The following TASOR2 variants were observed in gnomAD, a reference collection of about 807,000 sequenced individuals.
TASOR2 encodes the protein protein TASOR 2.
In TASOR2, 84 loss-of-function variants were observed where a neutral mutation model predicts 199.5. That is an observed-to-expected ratio of 0.42 (90% CI 0.35 to 0.50). TASOR2 has a LOEUF of 0.50. Among genes scored for constraint, TASOR2 ranks in the 20% least tolerant of loss-of-function variants. The pLI is 0.02. For missense variants in TASOR2, 2,796 were observed against 2,835.9 expected (o/e 0.99, Z 0.32); for synonymous variants, 1,103 against 1,046.6 (o/e 1.05, Z -1.04).
At chr10:5,728,489 A>G (rs1288291222) in intron 10 of TASOR2, among the ~76,000 whole-genome samples, 1 of 152,022 alleles carries the variant, frequency 6.6e-6, no homozygotes, top group Non-Finnish European at 1.5e-5. Flanking sequence ...ACAAAAAATT[A>G]GCTGGGCTTG....
In TASOR2 at chr10:5,752,880, A is replaced by G. The variant is rs1838276195; in HGVS notation, c.6606+2853A>G. ...GCCTCACGCCTCATATGGCAGTGGC[A>G]GGGCCTTAAGTCACACTGAGCTATT... On this transcript the variant is annotated intron_variant, in intron 15 of 20. Transcript: ENST00000328090. This position sits in a 1 kb window ranked among gnomAD's most constrained non-coding sequence, Gnocchi z 4.4. 6.6e-6 allele frequency among the ~76,000 whole-genome samples: 1 copy of G among 152,192 alleles called. No homozygotes were observed. The highest frequency in any genetic ancestry group is 2.4e-5 in the African/African-American group (1 of 41,430).
Position 5,687,838 on chromosome 10 carries a change from A to G in TASOR2, c.-288+2663A>G, listed in dbSNP as rs558846811. Among the ~76,000 whole-genome samples, 1 of 152,342 alleles carries G rather than the reference A, an allele frequency of 6.6e-6. No homozygotes were observed. The highest frequency in any genetic ancestry group is 1.9e-4 in the East Asian group (1 of 5,192). ...GTCTCAAAAGACTGCTGAAGATCCC[A>G]AAGATCTTTTGTTTATTGGATTATA... On this transcript the variant is annotated intron_variant, in intron 1 of 20. Coordinates refer to ENST00000328090, the Ensembl canonical transcript of TASOR2. The surrounding 1 kb of genome is among the most constrained non-coding windows in gnomAD (Gnocchi z 4.8).
chr10:5,742,343 T>C lies in TASOR2; in HGVS notation c.2574T>C (p.Ile858=). 6.2e-7 allele frequency: 1 copy of C among 1,614,172 alleles called. No individual in the cohort carries two copies. Among genetic ancestry groups the C allele is most frequent in the Non-Finnish European group, 8.5e-7 (1 of 1,180,022 alleles). The change falls in exon 14 of 21, where the codon ATT becomes ATC. Residue 858 remains isoleucine, a synonymous_variant. Coordinates refer to ENST00000328090, the Ensembl canonical transcript of TASOR2. This position sits in a 1 kb window ranked among gnomAD's most constrained non-coding sequence, Gnocchi z 4.2. ...ACTCTCTGTTGGAGACTAACGAAAT[T>C]TCCAGGGCTCATGCTGCTGAAGTAT... is the stretch of plus-strand genomic sequence containing the variant.
At chr10:5,749,588 G>T in exon 15 of TASOR2, 1 of 1,614,144 alleles carries the variant, frequency 6.2e-7, no homozygotes, top group Non-Finnish European at 8.5e-7. Flanking sequence ...CAGCCCAGGA[G>T]AGGCTACACA....
intron 18 of TASOR2, among the ~76,000 whole-genome samples, chr10:5,759,408 C>G (rs148365545): frequency 6.6e-6 from 1 of 152,142 alleles, no homozygotes; most frequent in Non-Finnish European, 1.5e-5. Flanking sequence ...CTTATAAATA[C>G]GCAAACTTCA....
intron 17 of TASOR2, among the ~76,000 whole-genome samples, chr10:5,758,438 T>G (rs1276690086): frequency 6.6e-6 from 1 of 152,022 alleles, no homozygotes; most frequent in Non-Finnish European, 1.5e-5. Flanking sequence ...CTAAGGAGAC[T>G]AAGGATGGAG....
intron 1 of TASOR2, chr10:5,709,608 C>T: frequency 8.1e-7 from 1 of 1,231,094 alleles, no homozygotes; most frequent in Non-Finnish European, 1.0e-6. Flanking sequence ...TAAGACCACC[C>T]TCCCAGCTAC....
rs1180157970 is a variant in TASOR2 at position 5,754,615 on chromosome 10, C to T, written c.6607-1998C>T. On this transcript the variant is annotated intron_variant, in intron 15 of 20. Coordinates refer to ENST00000328090, the Ensembl canonical transcript of TASOR2. The surrounding 1 kb of genome is among the most constrained non-coding windows in gnomAD (Gnocchi z 4.3). ...ATGTTGGCCAGGCTGGTCTCGAACT[C>T]CATAGCAGGAGTTCTTCTAGATATC... is the stretch of plus-strand genomic sequence containing the variant. 1.3e-5 allele frequency among the ~76,000 whole-genome samples: 2 copies of T among 152,002 alleles called. No homozygotes were observed. Among genetic ancestry groups the T allele is most frequent in the East Asian group, 3.9e-4 (2 of 5,148 alleles).
In TASOR2 at chr10:5,716,081, T is replaced by C. The variant is rs190684144; in HGVS notation, c.-191-1578T>C. On this transcript the variant is annotated intron_variant, in intron 2 of 20. Coordinates refer to ENST00000328090, the Ensembl canonical transcript of TASOR2. ...TACAGCAGGTTACTGTACGGAATACTTCAGGCAGTTATAAAATAGTGGTGT... is the reference window on the plus strand; with the variant it reads ...TACAGCAGGTTACTGTACGGAATACCTCAGGCAGTTATAAAATAGTGGTGT... Among the ~76,000 whole-genome samples the C allele has an allele frequency of 2.5e-3, 387 of 152,326 alleles. 2 individuals carry two copies. Among genetic ancestry groups the C allele is most frequent in the African/African-American group, 8.8e-3 (367 of 41,564 alleles).
At chr10:5,743,083 A>C (rs1836665041) in intron 14 of TASOR2, among the ~76,000 whole-genome samples, 1 of 152,250 alleles carries the variant, frequency 6.6e-6, no homozygotes, top group Non-Finnish European at 1.5e-5. Context: ...CAACCAGGCC[A>C]GATAATCCAA....
chr10:5,752,334 C>T lies in TASOR2; in HGVS notation c.6606+2307C>T, dbSNP rs553534287. ...ACGCATTGAGGGTGATTGGCCTGGC[C>T]GGGGAGGTCTTTGCTCAGGAAGTGC... is the stretch of plus-strand genomic sequence containing the variant. On this transcript the variant is annotated intron_variant, in intron 15 of 20. Transcript: ENST00000328090. The surrounding 1 kb of genome is among the most constrained non-coding windows in gnomAD (Gnocchi z 4.4). Among the ~76,000 whole-genome samples the T allele has an allele frequency of 6.6e-5, 10 of 152,136 alleles. No homozygotes were observed. Among genetic ancestry groups the T allele is most frequent in the Non-Finnish European group, 1.0e-4 (7 of 68,014 alleles).
chr10:5,693,627 T>TGGA (rs1836768924), intron 1 of TASOR2, among the ~76,000 whole-genome samples: 1 of 152,222 alleles, frequency 6.6e-6, no homozygotes, highest in Admixed American at 6.5e-5. Flanking sequence ...ACCTCATCCC[T>TGGA]GGAGGAGGGG....
intron 18 of TASOR2, among the ~76,000 whole-genome samples, chr10:5,760,316 A>T (rs1406204644): frequency 7.2e-5 from 11 of 152,226 alleles, no homozygotes. Context: ...TATGTGGTAC[A>T]TGCCCGTACT....
intron 14 of TASOR2, among the ~76,000 whole-genome samples, chr10:5,745,636 C>T (rs1374804462): frequency 2.6e-5 from 4 of 151,832 alleles, no homozygotes; most frequent in Admixed American, 6.6e-5. Flanking sequence ...AAAAATTAGC[C>T]GGGCATGGTG....
At chr10:5,697,391 C>T (rs995693592) in intron 1 of TASOR2, among the ~76,000 whole-genome samples, 2 of 152,166 alleles carry the variant, frequency 1.3e-5, no homozygotes, top group African/African-American at 2.4e-5. Flanking sequence ...AAGCATATTT[C>T]AGGTATCTCC....
rs1457446687 is a variant in TASOR2, at chr10:5,706,145, A to G, written c.-287-6678A>G. Among the ~76,000 whole-genome samples, 1 of 152,160 alleles carries G rather than the reference A, an allele frequency of 6.6e-6. No individual in the cohort carries two copies. The highest frequency in any genetic ancestry group is 1.5e-5 in the Non-Finnish European group (1 of 68,036). On this transcript the variant is annotated intron_variant, in intron 1 of 20. Coordinates refer to ENST00000328090, the Ensembl canonical transcript of TASOR2. The surrounding 1 kb of genome is among the most constrained non-coding windows in gnomAD (Gnocchi z 4.8). ...AAAGATATTCTTTCTCAATGGAATTATACTGGCAATATTGAAAATCTGTTA... is the reference window on the plus strand; with the variant it reads ...AAAGATATTCTTTCTCAATGGAATTGTACTGGCAATATTGAAAATCTGTTA...
rs1296520319 is a variant in TASOR2, at chr10:5,750,951, C to T, written c.6606+924C>T. On this transcript the variant is annotated intron_variant, in intron 15 of 20. Transcript: ENST00000328090. This position sits in a 1 kb window ranked among gnomAD's most constrained non-coding sequence, Gnocchi z 5.4. ...TCTGTTATTCCTTGTCTTTTATGAC[C>T]TTAACAGTTTTGAAGACTGTAGGCC... 6.6e-6 allele frequency among the ~76,000 whole-genome samples: 1 copy of T among 152,180 alleles called. No individual in the cohort carries two copies. Among genetic ancestry groups the T allele is most frequent in the Admixed American group, 6.5e-5 (1 of 15,280 alleles).
chr10:5,728,871 C>CT (rs1253449553), intron 10 of TASOR2, among the ~76,000 whole-genome samples: 1 of 152,012 alleles, frequency 6.6e-6, no homozygotes, highest in East Asian at 1.9e-4. Context: ...GGTCTAACAG[C>CT]TAACTTCAGA....
At chr10:5,727,639 G>A (rs1834216974) in intron 10 of TASOR2, among the ~76,000 whole-genome samples, 1 of 152,080 alleles carries the variant, frequency 6.6e-6, no homozygotes, top group South Asian at 2.1e-4. Flanking sequence ...CAATATGGGG[G>A]AAAAATGACT....
Sources: gnomAD v4.1 joint callset for allele counts (sites outside exome capture counted in the v4.1 genomes callset) on GRCh38, gnomAD v4.1.1 for gene constraint, Gnocchi (gnomAD v3.1) non-coding constraint, MANE v1.5 for transcripts, NCBI Gene and HGNC (gene_info 2026-07-23, HGNC 2026-07-21) for gene names.